Variants in DNER observed in about 807,000 individuals in gnomAD.
DNER encodes the protein delta and Notch-like epidermal growth factor-related receptor.
A neutral mutation model predicts 78.2 loss-of-function variants in DNER; 33 were observed. The ratio of observed to expected loss-of-function variants is 0.42; its 90% CI spans 0.32 to 0.56. The LOEUF (loss-of-function observed/expected upper bound fraction) is 0.56, where lower values mean the gene tolerates loss of function less well. DNER is among the 20% of genes least tolerant of loss of function. The pLI is 0.11. For missense variants in DNER, 918 were observed against 975.3 expected (o/e 0.94, Z 0.78); for synonymous variants, 417 against 384.8 (o/e 1.08, Z -0.98).
At chr2:229,600,550 A>G (rs1697808342) in intron 1 of DNER, among the ~76,000 whole-genome samples, 2 of 152,256 alleles carry the variant, frequency 1.3e-5, no homozygotes, top group African/African-American at 4.8e-5. Context: ...TAAATAACAG[A>G]AGAACCTTTG....
At chr2:229,503,691 G>T (rs1574873447) in intron 6 of DNER, among the ~76,000 whole-genome samples, 1 of 152,090 alleles carries the variant, frequency 6.6e-6, no homozygotes, top group Non-Finnish European at 1.5e-5. Flanking sequence ...GACTGAATAG[G>T]ATTCTAGTAA....
intron 7 of DNER, among the ~76,000 whole-genome samples, chr2:229,476,258 C>G (rs962806996): frequency 6.6e-6 from 1 of 152,194 alleles, no homozygotes; most frequent in African/African-American, 2.4e-5. Flanking sequence ...TTATGAGGTA[C>G]TGCCGATCAC....
In DNER at chr2:229,366,894, A is replaced by C. The variant is rs768087498; in HGVS notation, c.2081T>G (p.Ile694Ser). The C allele has an allele frequency of 1.9e-6, 3 of 1,614,178 alleles. No homozygotes were observed. Among genetic ancestry groups the C allele is most frequent in the Non-Finnish European group, 1.7e-6 (2 of 1,180,028 alleles). The change falls in exon 12 of 13, where the codon ATT becomes AGT. Residue 694 changes from isoleucine (I) to serine (S), a missense_variant. By Grantham distance (142) the Ile-to-Ser change is moderately radical. Coordinates refer to ENST00000341772, the MANE Select transcript of DNER (RefSeq NM_139072.4). The part of the protein sequence containing the change: ...RSIDSEFSNA[I>S]ASIRHARFGK... The stretch of plus-strand genomic sequence containing the variant: ...CAACCTGGCATGCCGGATGGATGCA[A>C]TGGCATTGCTGAACTCGCTGTCGAT...
At chr2:229,654,878 CA>C (rs768195419) in intron 1 of DNER, among the ~76,000 whole-genome samples, 27 of 152,144 alleles carry the variant, frequency 1.8e-4, no homozygotes, top group Admixed American at 1.0e-3. Flanking sequence ...TTTCATCAGT[CA>C]AAAGGTCAAT....
intron 7 of DNER, among the ~76,000 whole-genome samples, chr2:229,469,458 C>T (rs1017024227): frequency 1.3e-5 from 2 of 152,170 alleles, no homozygotes; most frequent in African/African-American, 4.8e-5. Flanking sequence ...TTCACAGCTC[C>T]GTTAATTCTT....
intron 1 of DNER, among the ~76,000 whole-genome samples, chr2:229,594,159 C>T (rs760260516): frequency 6.6e-5 from 10 of 152,240 alleles, no homozygotes; most frequent in South Asian, 4.1e-4. Context: ...ACCCTTCCCA[C>T]GGTAACAGGC....
intron 6 of DNER, among the ~76,000 whole-genome samples, chr2:229,478,627 A>G (rs1695087117): frequency 6.6e-6 from 1 of 152,204 alleles, no homozygotes; most frequent in South Asian, 2.1e-4. Flanking sequence ...ATTGTTTTTA[A>G]GAGGAATGCT....
intron 1 of DNER, among the ~76,000 whole-genome samples, chr2:229,622,981 T>C (rs1204532059): frequency 6.6e-6 from 1 of 152,186 alleles, no homozygotes; most frequent in Non-Finnish European, 1.5e-5. Flanking sequence ...GCCCCAGGAA[T>C]CTACTACAAC....
chr2:229,515,840 C>T (rs573904130), intron 5 of DNER, among the ~76,000 whole-genome samples: 23 of 152,074 alleles, frequency 1.5e-4, no homozygotes, highest in African/African-American at 5.5e-4. Context: ...CAGGGTTTCA[C>T]CGTGTTAGCA....
chr2:229,634,800 G>A (rs1205913091), intron 1 of DNER, among the ~76,000 whole-genome samples: 1 of 152,048 alleles, frequency 6.6e-6, no homozygotes, highest in African/African-American at 2.4e-5. Flanking sequence ...CGGGAAGGAG[G>A]GGCTGCCTCC....
intron 1 of DNER, among the ~76,000 whole-genome samples, chr2:229,624,764 T>C (rs566401061): frequency 1.4e-4 from 22 of 152,334 alleles, no homozygotes; most frequent in African/African-American, 4.1e-4. Flanking sequence ...CCACCCTCAC[T>C]CCCAGGCAGT....
chr2:229,535,297 T>G (rs1321571388), intron 5 of DNER, among the ~76,000 whole-genome samples: 5 of 152,210 alleles, frequency 3.3e-5, no homozygotes, highest in Non-Finnish European at 7.3e-5. Flanking sequence ...CAAACAGTTT[T>G]GTAAATAAAA....
chr2:229,510,783 T>A (rs903109281), intron 6 of DNER, among the ~76,000 whole-genome samples: 1 of 152,126 alleles, frequency 6.6e-6, no homozygotes, highest in African/African-American at 2.4e-5. Flanking sequence ...GAGCCTCACC[T>A]GGAGATAAAA....
Position 229,545,837 on chromosome 2 carries a change from T to G in DNER, c.993+1110A>C, listed in dbSNP as rs1696617595. On this transcript the variant is annotated intron_variant, in intron 5 of 12. Transcript: ENST00000341772. ...TAATGTGTCATCTCATCCATGCCTC[T>G]TCTCGGTTTCTTCTCTTACTTTTCT... Among the ~76,000 whole-genome samples, 2 of 152,208 alleles carry G rather than the reference T, an allele frequency of 1.3e-5. 1 individual carries two copies. The highest frequency in any genetic ancestry group is 1.3e-4 in the Admixed American group (2 of 15,284).
At chr2:229,529,371 G>A (rs911536757) in intron 5 of DNER, among the ~76,000 whole-genome samples, 5 of 152,110 alleles carry the variant, frequency 3.3e-5, no homozygotes, top group African/African-American at 1.2e-4. Context: ...AACTCCAAGT[G>A]AACCACGACC....
intron 5 of DNER, among the ~76,000 whole-genome samples, chr2:229,544,777 G>T (rs1009673106): frequency 6.6e-6 from 1 of 152,018 alleles, no homozygotes; most frequent in East Asian, 1.9e-4. Context: ...CAGGTGATCC[G>T]CCAGCTTCAG....
At position 229,477,172 on chromosome 2, in the gene DNER, C is replaced by A. The variant is rs1348231141; in HGVS notation, c.1229G>T (p.Ser410Ile). 1.9e-6 allele frequency: 3 copies of A among 1,613,898 alleles called. No individual in the cohort carries two copies. The highest frequency in any genetic ancestry group is 2.5e-6 in the Non-Finnish European group (3 of 1,179,914). Reference sequence around the variant, plus strand: ...ACACTGGCAGGTGAATCCACTGAGACTGGAAATGCATGTTGCTCCATTTCT... The same window carrying A: ...ACACTGGCAGGTGAATCCACTGAGAATGGAAATGCATGTTGCTCCATTTCT... ...PCRNGATCIS[S>I]LSGFTCQCPE... The change falls in exon 7 of 13, where the codon AGT (serine) becomes ATT (isoleucine). Residue 410 changes from serine to isoleucine, a missense_variant. Transcript: ENST00000341772.
At chr2:229,657,271 C>G (rs1277483809) in intron 1 of DNER, among the ~76,000 whole-genome samples, 1 of 152,118 alleles carries the variant, frequency 6.6e-6, no homozygotes, top group Non-Finnish European at 1.5e-5. Flanking sequence ...TTTCATTTAG[C>G]ATAATGTCCT....
rs371243645 is a variant in DNER, at chr2:229,588,498, G to A, written c.586-10C>T. On this transcript the variant is annotated splice_polypyrimidine_tract_variant and intron_variant, in intron 2 of 12. Transcript: ENST00000341772. Reference sequence around the variant, plus strand: ...CAATATCTGGGATCACCTGGGAAGGGAAAAAAAAAACGACATATGATTGGG... The same window carrying A: ...CAATATCTGGGATCACCTGGGAAGGAAAAAAAAAAACGACATATGATTGGG... 0.013 allele frequency: 15,340 copies of A among 1,182,670 alleles called. 1 individual carries two copies. The highest frequency in any genetic ancestry group is 0.014 in the Non-Finnish European group (11,837 of 847,170). The allele number at this position is 1,182,670 out of a possible 1,614,324, so 73.3% of individuals were successfully genotyped here. A position where few individuals can be genotyped will look rare whatever the true frequency, so the allele number is the denominator to read the frequency against.
Sources: gnomAD v4.1 joint callset for allele counts (sites outside exome capture counted in the v4.1 genomes callset) on GRCh38, gnomAD v4.1.1 for gene constraint, MANE v1.5 for transcripts, NCBI Gene and HGNC (gene_info 2026-07-23, HGNC 2026-07-21) for gene names.